CYB5B: variants seen among roughly 807,000 people sequenced by gnomAD.
CYB5B encodes the protein cytochrome b5 type B (outer mitochondrial membrane).
A neutral mutation model predicts 21.3 loss-of-function variants in CYB5B; 14 were observed. That is an observed-to-expected ratio of 0.66 (90% CI 0.43 to 1.03). CYB5B has a LOEUF of 1.03. Among genes scored for constraint, CYB5B ranks in the 50% least tolerant of loss-of-function variants. CYB5B has a pLI of 0.00. For missense variants in CYB5B, 166 were observed against 185.1 expected (o/e 0.90, Z 0.60); for synonymous variants, 69 against 68.4 (o/e 1.01, Z -0.04).
chr16:69,455,235 A>G (rs1006089690), intron 3 of CYB5B, among the ~76,000 whole-genome samples: 4 of 151,932 alleles, frequency 2.6e-5, no homozygotes, highest in Non-Finnish European at 4.4e-5. Flanking sequence ...ATTCTGGTTC[A>G]TTCTTTCCTA....
In CYB5B at chr16:69,460,214, A is replaced by G. The variant is rs529915857; in HGVS notation, c.362+1093A>G. ...GCTCCATTGCACTCCAGCCTGGGCA[A>G]CGAGAACGAAACTCCATCTCAAAAA... On this transcript the variant is annotated intron_variant, in intron 4 of 4. Coordinates refer to ENST00000307892, the MANE Select transcript of CYB5B (RefSeq NM_030579.3). Among the ~76,000 whole-genome samples, 9 of 152,208 alleles carry G rather than the reference A, an allele frequency of 5.9e-5. No individual in the cohort carries two copies. The South Asian group carries it at 8.3e-4, about 14-fold the overall frequency.
intron 4 of CYB5B, 147 bp downstream of exon 4, chr16:69,459,268 C>T (rs948118987): frequency 9.7e-7 from 1 of 1,029,172 alleles, no homozygotes; most frequent in Middle Eastern, 2.4e-4. Flanking sequence ...TTCAGTTGTT[C>T]CTTGACATTA....
chr16:69,426,722 G>A (rs1225583153), intron 1 of CYB5B, among the ~76,000 whole-genome samples: 1 of 135,170 alleles, frequency 7.4e-6, no homozygotes, highest in Non-Finnish European at 1.6e-5. Context: ...AAAAAAGCTA[G>A]TGGAGGGTGA....
intron 1 of CYB5B, among the ~76,000 whole-genome samples, chr16:69,427,073 C>T (rs1050452553): frequency 6.6e-6 from 1 of 152,046 alleles, no homozygotes; most frequent in African/African-American, 2.4e-5. Flanking sequence ...AACCTCGTCT[C>T]TACTAAAAAT....
intron 3 of CYB5B, chr16:69,448,468 G>C: frequency 3.8e-6 from 1 of 266,228 alleles, no homozygotes. Flanking sequence ...ACATTATGTA[G>C]GACAAGTGAT....
intron 1 of CYB5B, among the ~76,000 whole-genome samples, chr16:69,432,104 C>G (rs1279077164): frequency 2.0e-5 from 3 of 152,080 alleles, no homozygotes; most frequent in African/African-American, 7.2e-5. Flanking sequence ...GAATGAAGGA[C>G]AAGAATGGCC....
At chr16:69,436,124 CAT>C (rs1443267849) in intron 1 of CYB5B, among the ~76,000 whole-genome samples, 2 of 152,196 alleles carry the variant, frequency 1.3e-5, no homozygotes, top group Admixed American at 6.5e-5. Flanking sequence ...CATGCACTCA[CAT>C]GTGTGTTCGC....
intron 1 of CYB5B, among the ~76,000 whole-genome samples, chr16:69,435,711 C>T (rs2014753395): frequency 6.6e-6 from 1 of 152,178 alleles, no homozygotes; most frequent in Non-Finnish European, 1.5e-5. Flanking sequence ...GGTCTCAGCT[C>T]ATTACAACCT....
chr16:69,459,608 ATAT>A (rs2015014622), intron 4 of CYB5B: 1 of 152,882 alleles, frequency 6.5e-6, no homozygotes, highest in Non-Finnish European at 1.5e-5. Flanking sequence ...CTTGGCATTA[ATAT>A]TAGTAATTCA....
intron 1 of CYB5B, among the ~76,000 whole-genome samples, chr16:69,431,460 G>C (rs920946160): frequency 1.3e-5 from 2 of 152,114 alleles, no homozygotes; most frequent in African/African-American, 2.4e-5. Context: ...CTGGGCGACA[G>C]AGTGAGATTC....
At chr16:69,428,949 T>C (rs2014676548) in intron 1 of CYB5B, among the ~76,000 whole-genome samples, 1 of 152,136 alleles carries the variant, frequency 6.6e-6, no homozygotes, top group South Asian at 2.1e-4. Context: ...GAGATCAGAA[T>C]GATCAGGGGA....
At position 69,447,277 on chromosome 16, in the gene CYB5B, C is replaced by T. The variant is rs377098912; in HGVS notation, c.302C>T (p.Pro101Leu). 7.6e-5 allele frequency: 122 copies of T among 1,613,022 alleles called. No individual in the cohort carries two copies. In the South Asian group the frequency reaches 7.7e-4, roughly 10 times the overall value. Residue 101 changes from proline to leucine, a missense_variant and splice_region_variant, in exon 2 of 5, where the codon CCG (proline) becomes CTG (leucine). Coordinates refer to ENST00000307892, the MANE Select transcript of CYB5B (RefSeq NM_030579.3). ...CAGTACTACATTGGTGATATCCATCCGGTAAGAACTATCAGAGATGGGAGC... is the reference window on the plus strand; with the variant it reads ...CAGTACTACATTGGTGATATCCATCTGGTAAGAACTATCAGAGATGGGAGC... The part of the protein sequence containing the change: ...LKQYYIGDIH[P>L]SDLKPESGSK...
intron 1 of CYB5B, among the ~76,000 whole-genome samples, chr16:69,445,952 A>G (rs1033160601): frequency 4.6e-5 from 7 of 152,064 alleles, no homozygotes; most frequent in African/African-American, 1.7e-4. Flanking sequence ...GCGAAACTCC[A>G]TCTCAAAAAA....
At position 69,440,828 on chromosome 16, in the gene CYB5B, T is replaced by A. The variant is rs532947794; in HGVS notation, c.175-6322T>A. ...TATATATTAGGGGATCTCATTTGAT[T>A]TTTTTTTTTTTAAAGAGATAGTGTC... On this transcript the variant is annotated intron_variant, in intron 1 of 4. Coordinates refer to ENST00000307892, the MANE Select transcript of CYB5B (RefSeq NM_030579.3). 1.9e-3 allele frequency among the ~76,000 whole-genome samples: 275 copies of A among 148,534 alleles called. 1 individual carries two copies. The highest frequency in any genetic ancestry group is 6.1e-3 in the African/African-American group (249 of 40,678).
chr16:69,429,372 ATTTTACAGAGTGCCGATTGGTCCAT>A (rs1180647910), intron 1 of CYB5B, among the ~76,000 whole-genome samples: 10 of 152,128 alleles, frequency 6.6e-5, no homozygotes, highest in Non-Finnish European at 8.8e-5. Flanking sequence ...TGATTGGTCC[ATTTTACAGAGTGCCGATTGGTCCAT>A]TTTTACAGAG....
chr16:69,447,579 G>T (rs1317105539), intron 2 of CYB5B, among the ~76,000 whole-genome samples: 2 of 150,532 alleles, frequency 1.3e-5, no homozygotes, highest in African/African-American at 4.9e-5. Context: ...GGAGGCAGAG[G>T]TTGAAGTATG....
At chr16:69,460,194 AT>A (rs1034023518) in intron 4 of CYB5B, among the ~76,000 whole-genome samples, 1 of 151,956 alleles carries the variant, frequency 6.6e-6, no homozygotes, top group Non-Finnish European at 1.5e-5. Context: ...AGATCGCTCC[AT>A]TGCACTCCAG....
intron 1 of CYB5B, among the ~76,000 whole-genome samples, chr16:69,428,609 T>C (rs2014672953): frequency 6.6e-6 from 1 of 151,976 alleles, no homozygotes; most frequent in South Asian, 2.1e-4. Context: ...CGATCCAAGA[T>C]TGTGGCACTG....
rs1268853732 is a variant in CYB5B at position 69,464,561 on chromosome 16, A to G, written c.*2041A>G. On this transcript the variant is annotated 3_prime_UTR_variant, in exon 5 of 5. Coordinates refer to ENST00000307892, the MANE Select transcript of CYB5B (RefSeq NM_030579.3). ...TGAGGAGCTTGAAAGGGAACATTCA[A>G]ACTAAAGCCAAGCCTGAAGATAACT... is the stretch of plus-strand genomic sequence containing the variant. 8 of 152,288 alleles carry G rather than the reference A, an allele frequency of 5.3e-5. No homozygotes were observed. The highest frequency in any genetic ancestry group is 1.2e-4 in the Non-Finnish European group (8 of 68,036). The allele number at this position is 152,288 out of a possible 1,614,324, so 9.4% of individuals were successfully genotyped here. A position where few individuals can be genotyped will look rare whatever the true frequency, so the allele number is the denominator to read the frequency against.
Sources: allele counts gnomAD v4.1 joint callset (sites outside exome capture counted in the v4.1 genomes callset), GRCh38; gene constraint gnomAD v4.1.1; transcripts MANE v1.5; gene names NCBI Gene and HGNC (gene_info 2026-07-23, HGNC 2026-07-21).